MELK: variants seen among roughly 807,000 people sequenced by gnomAD.
MELK encodes pEg3 kinase.
A neutral mutation model predicts 85.0 loss-of-function variants in MELK; 81 were observed. The ratio of observed to expected loss-of-function variants is 0.95; its 90% CI spans 0.80 to 1.15. The LOEUF (loss-of-function observed/expected upper bound fraction) is 1.15, where lower values mean the gene tolerates loss of function less well. Ranked by LOEUF, MELK falls within the 50% of genes most tolerant of loss-of-function variation. The pLI is 0.00. For missense variants in MELK, 754 were observed against 777.5 expected, an observed-to-expected ratio of 0.97 and a Z score of 0.36; for synonymous variants, 252 against 265.0, an observed-to-expected ratio of 0.95 and a Z score of 0.48.
chr9:36,622,552 T>C (rs7859250), intron 8 of MELK, among the ~76,000 whole-genome samples: 34,496 of 152,146 alleles, frequency 0.23, 6,364 homozygotes, highest in African/African-American at 0.51. Flanking sequence ...TTATTAATGT[T>C]ACCTATATTC....
intron 12 of MELK, among the ~76,000 whole-genome samples, chr9:36,654,129 T>G (rs535262752): frequency 6.6e-6 from 1 of 152,232 alleles, no homozygotes; most frequent in African/African-American, 2.4e-5. Context: ...CAATCCCTCA[T>G]CCCACCCACA....
Position 36,621,275 on chromosome 9 carries a change from GAAAAAAAAAAAAAAAAAAA to G in MELK, c.667-9000_667-8982del, listed in dbSNP as rs74181196. 2.7e-3 allele frequency among the ~76,000 whole-genome samples: 88 copies of G among 32,448 alleles called. 1 individual carries two copies. Among genetic ancestry groups the G allele is most frequent in the East Asian group, 7.3e-3 (6 of 820 alleles). The allele number at this position is 32,448 out of a possible 152,430, so 21.3% of individuals were successfully genotyped here. The stretch of plus-strand genomic sequence containing the variant: ...TGACAGAGTGAGACTCTGTCTCAGG[GAAAAAAAAAAAAAAAAAAA>G]AAAAAAAAAAAAAAAAAAAAAAACT... On this transcript the variant is annotated intron_variant, in intron 8 of 17. Coordinates refer to ENST00000298048, the MANE Select transcript of MELK (RefSeq NM_014791.4).
intron 1 of MELK, among the ~76,000 whole-genome samples, chr9:36,576,570 C>T (rs936049433): frequency 2.0e-5 from 3 of 152,112 alleles, no homozygotes; most frequent in Admixed American, 6.6e-5. Context: ...TCACTCCTGT[C>T]GTGCAGGCCA....
intron 3 of MELK, among the ~76,000 whole-genome samples, chr9:36,588,631 A>G (rs543571257): frequency 1.6e-4 from 24 of 150,580 alleles, no homozygotes; most frequent in African/African-American, 5.9e-4. Flanking sequence ...CGCCCACCTT[A>G]GCCTCCCAAA....
chr9:36,667,722 G>C (rs1832517727), intron 14 of MELK, among the ~76,000 whole-genome samples: 1 of 152,104 alleles, frequency 6.6e-6, no homozygotes, highest in Admixed American at 6.5e-5. Flanking sequence ...CTGGCACTTT[G>C]CATTTTTCTT....
At chr9:36,658,674 G>T (rs570610194) in intron 13 of MELK, among the ~76,000 whole-genome samples, 13 of 151,414 alleles carry the variant, frequency 8.6e-5, no homozygotes, top group African/African-American at 3.2e-4. Context: ...TGTTTTTCTC[G>T]TGTATATGGG....
At chr9:36,646,448 T>C (rs1436471948) in intron 11 of MELK, among the ~76,000 whole-genome samples, 1 of 152,174 alleles carries the variant, frequency 6.6e-6, no homozygotes, top group African/African-American at 2.4e-5. Flanking sequence ...TTATAAGAAC[T>C]CCCACTTTTA....
At position 36,583,669 on chromosome 9, in the gene MELK, G is replaced by T; in HGVS notation, c.101G>T (p.Gly34Val). The T allele has an allele frequency of 6.2e-7, 1 of 1,612,900 alleles. No homozygotes were observed. ...KVKLACHILT[G>V]EMVAIKIMDK... Reference sequence around the variant, plus strand: ...AAACTTGCCTGCCATATCCTTACTGGAGAGATGGTAGCTATAAAAATCATG... The same window carrying T: ...AAACTTGCCTGCCATATCCTTACTGTAGAGATGGTAGCTATAAAAATCATG... The change falls in exon 3 of 18, where the codon GGA (glycine) becomes GTA (valine). Residue 34 changes from glycine to valine, a missense_variant. Gly to Val is a moderately radical substitution (Grantham distance 109, BLOSUM62 -3). Transcript: ENST00000298048.
intron 11 of MELK, among the ~76,000 whole-genome samples, chr9:36,645,792 A>G (rs1055630586): frequency 2.0e-5 from 3 of 152,224 alleles, no homozygotes; most frequent in African/African-American, 7.2e-5. Flanking sequence ...GTCGAGAAGC[A>G]GTGCTCTAGA....
chr9:36,651,197 G>A (rs980185869), intron 11 of MELK, among the ~76,000 whole-genome samples: 1 of 152,102 alleles, frequency 6.6e-6, no homozygotes, highest in Non-Finnish European at 1.5e-5. Flanking sequence ...AATTGGAAAG[G>A]CAGGCGTCTC....
intron 8 of MELK, among the ~76,000 whole-genome samples, chr9:36,617,119 A>G (rs1333402970): frequency 1.3e-5 from 2 of 152,166 alleles, no homozygotes; most frequent in Non-Finnish European, 2.9e-5. Context: ...AGATATGTGA[A>G]TTAGTAATTT....
rs757367254 is a variant in MELK at position 36,594,674 on chromosome 9, G to A, written c.308G>A (p.Arg103His). The change falls in exon 5 of 18, where the codon CGC becomes CAC. Residue 103 changes from arginine (R) to histidine (H), a missense_variant. Transcript: ENST00000298048. ...TTTGACTATATAATTTCCCAGGATC[G>A]CCTGTCAGAAGAGGAGACCCGGGTT... ...ELFDYIISQD[R>H]LSEEETRVVF... The A allele has an allele frequency of 3.7e-6, 6 of 1,613,944 alleles. No individual in the cohort carries two copies. The Admixed American group carries it at 8.3e-5, about 22-fold the overall frequency.
At chr9:36,660,159 T>C (rs1260275553) in intron 13 of MELK, among the ~76,000 whole-genome samples, 2 of 152,166 alleles carry the variant, frequency 1.3e-5, no homozygotes, top group African/African-American at 4.8e-5. Context: ...CCTATACATG[T>C]ACATTGGGCT....
intron 12 of MELK, among the ~76,000 whole-genome samples, chr9:36,655,851 A>G (rs754737867): frequency 6.6e-6 from 1 of 152,184 alleles, no homozygotes; most frequent in East Asian, 1.9e-4. Flanking sequence ...AGACAGTGGA[A>G]AGATTAGTGG....
At chr9:36,632,191 C>G (rs1392380993) in intron 9 of MELK, among the ~76,000 whole-genome samples, 4 of 152,098 alleles carry the variant, frequency 2.6e-5, no homozygotes, top group East Asian at 1.9e-4. Context: ...TAACAAGCTC[C>G]CAGAAGATGC....
rs60381894 is a variant in MELK, at chr9:36,618,959, A to ATT, written c.666+11302_666+11303dup. On this transcript the variant is annotated intron_variant, in intron 8 of 17. Transcript: ENST00000298048. ...AATGAGTGAATGGTCAACTCTAAGTATTTTTTTTTTTTTTTTTGAGACGGA... is the reference window on the plus strand; with the variant it reads ...AATGAGTGAATGGTCAACTCTAAGTATTTTTTTTTTTTTTTTTTTGAGACGGA... Among the ~76,000 whole-genome samples, 257 of 141,646 alleles carry ATT rather than the reference A, an allele frequency of 1.8e-3. 1 individual carries two copies. The highest frequency in any genetic ancestry group is 5.2e-3 in the East Asian group (25 of 4,830). The allele number at this position is 141,646 out of a possible 152,430, so 92.9% of individuals were successfully genotyped here. A position where few individuals can be genotyped will look rare whatever the true frequency, so the allele number is the denominator to read the frequency against.
chr9:36,636,774 T>TTCTTTCTG (rs1829211686), intron 10 of MELK, among the ~76,000 whole-genome samples: 1 of 105,902 alleles, frequency 9.4e-6, no homozygotes, highest in Non-Finnish European at 1.9e-5. Context: ...CTTTCTTTCT[T>TTCTTTCTG]TCTTTCTTTC....
chr9:36,604,094 C>T lies in MELK; in HGVS notation c.568-3481C>T, dbSNP rs559707978. On this transcript the variant is annotated intron_variant, in intron 7 of 17. Transcript: ENST00000298048. ...AAGCGATTCTCCTGCCTCAGCCTCC[C>T]GAATTGCTGGAATTACAGGCATGTA... Among the ~76,000 whole-genome samples, 10 of 148,578 alleles carry T rather than the reference C, an allele frequency of 6.7e-5. No homozygotes were observed. In the East Asian group the frequency reaches 1.4e-3, roughly 21 times the overall value.
Position 36,607,431 on chromosome 9 carries a change from A to G in MELK, c.568-144A>G, listed in dbSNP as rs1825666790. 1.1e-5 allele frequency: 7 copies of G among 637,194 alleles called. No individual in the cohort carries two copies. In the Admixed American group the frequency reaches 1.2e-4, roughly 11 times the overall value. 39.5% of individuals were successfully genotyped at this position (637,194 alleles called of 1,614,324 possible). On this transcript the variant is annotated intron_variant, in intron 7 of 17. Coordinates refer to ENST00000298048, the MANE Select transcript of MELK (RefSeq NM_014791.4). ...CTCCTTAGCTTCAGGTTCTCTGACT[A>G]TAGAATAAGCAGGTTGAAATGGTTG...
Sources: gnomAD v4.1 joint callset for allele counts (sites outside exome capture counted in the v4.1 genomes callset) on GRCh38, gnomAD v4.1.1 for gene constraint, MANE v1.5 for transcripts, NCBI Gene and HGNC (gene_info 2026-07-23, HGNC 2026-07-21) for gene names.